The following BTK variants were observed in gnomAD, a reference collection of about 807,000 sequenced individuals.
BTK encodes the protein tyrosine-protein kinase BTK.
A neutral mutation model predicts 57.4 loss-of-function variants in BTK; 5 were observed. The observed-to-expected ratio is 0.09, with a 90% CI of 0.05 to 0.18. The LOEUF (loss-of-function observed/expected upper bound fraction) is 0.18, where lower values mean the gene tolerates loss of function less well. BTK is among the 10% of genes least tolerant of loss of function. The pLI, the probability that BTK is intolerant of heterozygous loss-of-function variation, is 1.00. For synonymous variants in BTK, 154 were observed against 174.3 expected (o/e 0.88, Z 0.92); for missense variants, 194 against 501.2 (o/e 0.39, Z 5.85).
intron 3 of BTK, among the ~76,000 whole-genome samples, chrX:101,373,268 T>C (rs1555980627): frequency 1.8e-5 from 2 of 111,026 alleles, no homozygotes. Flanking sequence ...AAATTTTACT[T>C]CTAGGAAATT....
upstream of BTK, among the ~76,000 whole-genome samples, chrX:101,389,264 T>G (rs1927711022): frequency 9.0e-6 from 1 of 111,439 alleles, no homozygotes; most frequent in Non-Finnish European, 1.9e-5. Context: ...CAATTAAATA[T>G]TTTTAAGTAA....
chrX:101,352,834 G>C (rs1555977257), intron 18 of BTK, among the ~76,000 whole-genome samples: 1 of 109,447 alleles, frequency 9.1e-6, no homozygotes, highest in Non-Finnish European at 1.9e-5. Context: ...AGGAGGCAGA[G>C]GTTGCAGTGA....
At position 101,357,098 on chromosome X, in the gene BTK, A is replaced by G. The variant is rs1408768859; in HGVS notation, c.1178-143T>C. The G allele has an allele frequency of 1.3e-5, 9 of 679,511 alleles. 1 individual carries two copies. Among genetic ancestry groups the G allele is most frequent in the Admixed American group, 5.4e-5 (2 of 37,015 alleles). The allele number at this position is 679,511 out of a possible 1,213,427, so 56.0% of individuals were successfully genotyped here. Reference sequence around the variant, plus strand: ...TACTAATCTGTCTTTGCTTAAGTCAATCTCAGAAACGGGATTCATTGGTTA... The same window carrying G: ...TACTAATCTGTCTTTGCTTAAGTCAGTCTCAGAAACGGGATTCATTGGTTA... On this transcript the variant is annotated intron_variant, in intron 13 of 18. Coordinates refer to ENST00000308731, the MANE Select transcript of BTK (RefSeq NM_000061.3).
rs186468720 is a variant in BTK at position 101,359,404 on chromosome X, C to G, written c.840-57G>C. 3.3e-4 allele frequency: 355 copies of G among 1,077,300 alleles called. 3 individuals carry two copies. In the African/African-American group the frequency reaches 5.9e-3, roughly 18 times the overall value. The allele number at this position is 1,077,300 out of a possible 1,213,427, so 88.8% of individuals were successfully genotyped here. ...CTGGTCATAAGCAGATTGGAGGTTA[C>G]AGCACCCTCCAGGGCTTGTCCATGT... On this transcript the variant is annotated intron_variant, in intron 9 of 18. Transcript: ENST00000308731.
At chrX:101,354,941 G>C (rs1268265016) in intron 15 of BTK, among the ~76,000 whole-genome samples, 1 of 112,039 alleles carries the variant, frequency 8.9e-6, no homozygotes, top group Non-Finnish European at 1.9e-5. Flanking sequence ...GCATTCTCAT[G>C]GGCAATTCCA....
intron 15 of BTK, 167 bp downstream of exon 15, chrX:101,355,885 T>G (rs1926461455): frequency 1.8e-6 from 1 of 541,437 alleles, no homozygotes; most frequent in Admixed American, 2.7e-5. Context: ...CTGGAGATAT[T>G]TGATGGGCTC....
At chrX:101,384,349 G>A (rs782533789) in intron 1 of BTK, among the ~76,000 whole-genome samples, 1 of 112,181 alleles carries the variant, frequency 8.9e-6, no homozygotes, top group Admixed American at 9.5e-5. Context: ...TGTAATCCTA[G>A]CACTTTGGGA....
At chrX:101,372,308 T>C (rs1555980438) in intron 3 of BTK, among the ~76,000 whole-genome samples, 1 of 112,140 alleles carries the variant, frequency 8.9e-6, no homozygotes, top group African/African-American at 3.2e-5. Flanking sequence ...TCAAGATCTC[T>C]TTAAAAGTAT....
chrX:101,383,692 G>A (rs1442211051), intron 1 of BTK, among the ~76,000 whole-genome samples: 2 of 111,649 alleles, frequency 1.8e-5, no homozygotes, highest in Non-Finnish European at 3.8e-5. Flanking sequence ...GTAGGGCAGT[G>A]AGAGGAGCTT....
intron 1 of BTK, among the ~76,000 whole-genome samples, chrX:101,382,409 C>T (rs1205037645): frequency 9.1e-6 from 1 of 110,057 alleles, no homozygotes; most frequent in East Asian, 2.8e-4. Context: ...TCACTGCAAT[C>T]GCTACCTCCC....
intron 1 of BTK, among the ~76,000 whole-genome samples, chrX:101,379,561 G>T (rs1255261323): frequency 8.9e-6 from 1 of 112,364 alleles, no homozygotes; most frequent in Admixed American, 9.4e-5. Context: ...GTAGCTCTTG[G>T]TATATCATCT....
At chrX:101,359,879 GTATA>G (rs1280227607) in intron 9 of BTK, among the ~76,000 whole-genome samples, 1 of 102,785 alleles carries the variant, frequency 9.7e-6, no homozygotes, top group Non-Finnish European at 2.0e-5. Flanking sequence ...AGAAAAAAGT[GTATA>G]TATATATATA....
intron 7 of BTK, among the ~76,000 whole-genome samples, chrX:101,361,087 G>A (rs1191951574): frequency 9.1e-6 from 1 of 110,328 alleles, no homozygotes; most frequent in Non-Finnish European, 1.9e-5. Flanking sequence ...ATGGTAGTGT[G>A]TGCATATAGC....
chrX:101,387,323 C>T (rs1927644702), upstream of BTK, among the ~76,000 whole-genome samples: 1 of 107,636 alleles, frequency 9.3e-6, no homozygotes, highest in Admixed American at 1.0e-4. Context: ...CCCCTCACCC[C>T]CAAGCCCCAA....
intron 18 of BTK, 133 bp from the exon 19 acceptor site, chrX:101,350,089 G>T: frequency 2.6e-5 from 9 of 342,622 alleles, no homozygotes; most frequent in East Asian, 4.5e-5. Flanking sequence ...ATTACAAAAG[G>T]AAAAAAAAAA....
At chrX:101,368,468 G>C (rs149956983) in intron 5 of BTK, among the ~76,000 whole-genome samples, 1 of 112,335 alleles carries the variant, frequency 8.9e-6, no homozygotes, top group African/African-American at 3.2e-5. Flanking sequence ...ACACAGGGAT[G>C]TGATAAGAAT....
Position 101,354,689 on chromosome X carries a change from A to G in BTK, c.1572T>C (p.Ala524=). 8.3e-7 allele frequency: 1 copy of G among 1,211,254 alleles called. No individual in the cohort carries two copies. The highest frequency in any genetic ancestry group is 1.1e-6 in the Non-Finnish European group (1 of 895,156). The stretch of plus-strand genomic sequence containing the variant: ...CTTGATCGTTTACCAAACAGTTTCG[A>G]GCTGCCTGTAGTGCAAACAGAGACC... The part of the protein sequence containing the change: ...SKQFLHRDLA[A]RNCLVNDQGV... The change falls in exon 16 of 19, where the codon GCT becomes GCC. Residue 524 remains alanine (A), a synonymous_variant. Coordinates refer to ENST00000308731, the MANE Select transcript of BTK (RefSeq NM_000061.3).
At chrX:101,372,535 G>A (rs1218279571) in intron 3 of BTK, among the ~76,000 whole-genome samples, 2 of 108,847 alleles carry the variant, frequency 1.8e-5, no homozygotes, top group South Asian at 4.0e-4. Context: ...TGCAACCTCC[G>A]CCTCCTGGGT....
At chrX:101,387,255 A>G (rs782629256), upstream of BTK, among the ~76,000 whole-genome samples, 2 of 109,888 alleles carry the variant, frequency 1.8e-5, no homozygotes, top group South Asian at 7.7e-4. Flanking sequence ...TTTGTTACAT[A>G]GGTATATGTG....
Sources: allele counts gnomAD v4.1 joint callset (sites outside exome capture counted in the v4.1 genomes callset), GRCh38; gene constraint gnomAD v4.1.1; transcripts MANE v1.5; gene names NCBI Gene and HGNC (gene_info 2026-07-23, HGNC 2026-07-21).